The following SYT17 variants were observed in gnomAD, a reference collection of about 807,000 sequenced individuals.
The protein encoded by SYT17 is synaptotagmin 17.
Under a neutral mutation model 46.7 loss-of-function variants are expected in SYT17, and 22 were observed. The observed-to-expected ratio is 0.47, with a 90% CI of 0.34 to 0.67. SYT17 has a LOEUF of 0.67. SYT17 is among the 30% of genes least tolerant of loss of function. SYT17 has a pLI of 0.01. For synonymous variants in SYT17, 251 were observed against 248.4 expected (o/e 1.01, Z -0.10); for missense variants, 519 against 612.8 (o/e 0.85, Z 1.62).
chr16:19,206,326 A>C (rs983428128), intron 5 of SYT17, among the ~76,000 whole-genome samples: 1 of 152,168 alleles, frequency 6.6e-6, no homozygotes, highest in Non-Finnish European at 1.5e-5. Flanking sequence ...CTAGAACTTC[A>C]TGGGGTATAT....
At position 19,180,471 on chromosome 16, in the gene SYT17, C is replaced by A; in HGVS notation, c.263C>A (p.Ser88Tyr). 1 of 1,614,214 alleles carries A rather than the reference C, an allele frequency of 6.2e-7. No homozygotes were observed. Among genetic ancestry groups the A allele is most frequent in the Non-Finnish European group, 8.5e-7 (1 of 1,180,042 alleles). ...SEVPLTPRTN[S>Y]PDGRRSSSDT... ...GTCCCGCTGACCCCACGGACCAATTCCCCGGATGGAAGACGCTCGTCCTCA... is the reference window on the plus strand; with the variant it reads ...GTCCCGCTGACCCCACGGACCAATTACCCGGATGGAAGACGCTCGTCCTCA... The change falls in exon 4 of 8, where the codon TCC (serine) becomes TAC (tyrosine). Residue 88 changes from serine (S) to tyrosine (Y), a missense_variant. By Grantham distance (144) the Ser-to-Tyr change is moderately radical. Transcript: ENST00000355377.
intron 7 of SYT17, among the ~76,000 whole-genome samples, chr16:19,230,267 C>T (rs753730467): frequency 6.6e-6 from 1 of 151,942 alleles, no homozygotes; most frequent in Non-Finnish European, 1.5e-5. Flanking sequence ...ATTAGCCAGG[C>T]GTGGTAGTGA....
At chr16:19,240,767 C>A (rs11865350) in intron 7 of SYT17, among the ~76,000 whole-genome samples, 1 of 152,150 alleles carries the variant, frequency 6.6e-6, no homozygotes, top group Non-Finnish European at 1.5e-5. Context: ...CTGTTCATGC[C>A]GAGAGGCACC....
chr16:19,250,083 G>T, intron 7 of SYT17: 1 of 1,521,530 alleles, frequency 6.6e-7, no homozygotes, highest in Non-Finnish European at 8.8e-7. Context: ...GATTGAGTTG[G>T]TTGTGTGTCT....
rs554776368 is a variant in SYT17 at position 19,175,086 on chromosome 16, G to A, written c.182+1508G>A. Among the ~76,000 whole-genome samples the A allele has an allele frequency of 5.9e-5, 9 of 152,084 alleles. No individual in the cohort carries two copies. In the East Asian group the frequency reaches 1.4e-3, roughly 23 times the overall value. ...TGAGGCTACAGTGAGCTGTGATTGCGCCACTGCACTCCAGCCTGGGAAAGA... is the reference window on the plus strand; with the variant it reads ...TGAGGCTACAGTGAGCTGTGATTGCACCACTGCACTCCAGCCTGGGAAAGA... On this transcript the variant is annotated intron_variant, in intron 3 of 7. Transcript: ENST00000355377.
At chr16:19,239,278 AAATTAATTAATT>A (rs918681071) in intron 7 of SYT17, among the ~76,000 whole-genome samples, 1 of 151,304 alleles carries the variant, frequency 6.6e-6, no homozygotes. Context: ...CCCTGTCTCA[AAATTAATTAATT>A]AATTAATTAA....
intron 5 of SYT17, among the ~76,000 whole-genome samples, chr16:19,220,303 C>T (rs116846626): frequency 2.1e-4 from 17 of 80,482 alleles, no homozygotes; most frequent in Non-Finnish European, 2.2e-4. Context: ...TTCTTTCTTT[C>T]TTTTTTTTTT....
chr16:19,197,113 CT>C (rs1464349901), intron 5 of SYT17, among the ~76,000 whole-genome samples: 2 of 152,206 alleles, frequency 1.3e-5, no homozygotes, highest in Non-Finnish European at 2.9e-5. Context: ...TTAACTTGCC[CT>C]GAGCTGCTGT....
intron 6 of SYT17, 144 bp downstream of exon 6, chr16:19,223,309 T>C: frequency 1.9e-6 from 2 of 1,068,812 alleles, no homozygotes; most frequent in Non-Finnish European, 2.6e-6. Context: ...TTAGTAACCC[T>C]ATTGGAATTG....
chr16:19,198,161 A>T (rs1340396916), intron 5 of SYT17, among the ~76,000 whole-genome samples: 1 of 152,200 alleles, frequency 6.6e-6, no homozygotes, highest in Non-Finnish European at 1.5e-5. Flanking sequence ...TGATAGCTGG[A>T]GACCAGCTAT....
At chr16:19,173,683 G>C (rs551571957) in intron 3 of SYT17, 105 bp downstream of exon 3, 1 of 1,281,344 alleles carries the variant, frequency 7.8e-7, no homozygotes, top group African/African-American at 1.5e-5. Flanking sequence ...GGATTTGGGG[G>C]CATGAAAGAG....
intron 7 of SYT17, among the ~76,000 whole-genome samples, chr16:19,238,884 A>G (rs1433280067): frequency 6.6e-6 from 1 of 152,206 alleles, no homozygotes; most frequent in African/African-American, 2.4e-5. Context: ...AAATCAAATC[A>G]GAAACCAAGA....
At chr16:19,204,526 G>T (rs1271915709) in intron 5 of SYT17, among the ~76,000 whole-genome samples, 2 of 151,998 alleles carry the variant, frequency 1.3e-5, no homozygotes, top group Admixed American at 1.3e-4. Flanking sequence ...GTGAGGATGG[G>T]GCAGGGTGGT....
At chr16:19,232,386 A>T (rs1966732635) in intron 7 of SYT17, among the ~76,000 whole-genome samples, 1 of 152,164 alleles carries the variant, frequency 6.6e-6, no homozygotes, top group Non-Finnish European at 1.5e-5. Context: ...TCAGTAACTC[A>T]GGAGGCCAAG....
At chr16:19,250,312 G>A (rs1051078707) in intron 7 of SYT17, among the ~76,000 whole-genome samples, 1 of 151,396 alleles carries the variant, frequency 6.6e-6, no homozygotes, top group Non-Finnish European at 1.5e-5. Flanking sequence ...CCATTTCAAT[G>A]TGGGGCAGAC....
intron 4 of SYT17, among the ~76,000 whole-genome samples, chr16:19,182,057 A>C (rs371480242): frequency 1.3e-5 from 2 of 151,894 alleles, no homozygotes; most frequent in Non-Finnish European, 2.9e-5. Context: ...ATATTTTTAT[A>C]TTGGTTCCAT....
intron 5 of SYT17, among the ~76,000 whole-genome samples, chr16:19,210,374 T>C (rs936584707): frequency 1.3e-5 from 2 of 152,090 alleles, no homozygotes; most frequent in African/African-American, 4.8e-5. Flanking sequence ...GCCCCAAACA[T>C]TGAATTTTTT....
rs1371589584 is a variant in SYT17, at chr16:19,265,658, A to C, written c.1229-1222A>C. 2.0e-5 allele frequency among the ~76,000 whole-genome samples: 3 copies of C among 152,160 alleles called. No individual in the cohort carries two copies. In the East Asian group the frequency reaches 5.8e-4, roughly 29 times the overall value. On this transcript the variant is annotated intron_variant, in intron 7 of 7. Transcript: ENST00000355377. Reference sequence around the variant, plus strand: ...TCGGCTCACGCTGGGTGAATCTGTGATATTTCCCATTCTGTAGCCCTTCAT... The same window carrying C: ...TCGGCTCACGCTGGGTGAATCTGTGCTATTTCCCATTCTGTAGCCCTTCAT...
intron 5 of SYT17, chr16:19,211,097 A>G (rs560102229): frequency 1.2e-5 from 3 of 244,124 alleles, no homozygotes; most frequent in East Asian, 1.7e-4. Flanking sequence ...TGAGTAATTT[A>G]CAGATTGTCT....
Sources: gnomAD v4.1 joint callset for allele counts (sites outside exome capture counted in the v4.1 genomes callset) on GRCh38, gnomAD v4.1.1 for gene constraint, MANE v1.5 for transcripts, NCBI Gene and HGNC (gene_info 2026-07-23, HGNC 2026-07-21) for gene names.